Variants in BLTP1 observed in about 807,000 individuals in gnomAD.
The protein encoded by BLTP1 is fragile site-associated protein.
chr4:122,169,583 T>G, the BLTP1 span: 1 of 931,350 alleles, frequency 1.1e-6, no homozygotes, highest in Non-Finnish European at 1.3e-6. Flanking sequence ...TTCTTGTTTC[T>G]TGGATCATAA....
chr4:122,275,604 C>G, the BLTP1 span, among the ~76,000 whole-genome samples: 2 of 152,036 alleles, frequency 1.3e-5, no homozygotes, highest in Non-Finnish European at 2.9e-5. Flanking sequence ...GAAGGGCTTC[C>G]AATAGTCTTT....
At chr4:122,257,244 T>G in the BLTP1 span, 1 of 1,612,412 alleles carries the variant, frequency 6.2e-7, no homozygotes, top group South Asian at 1.1e-5. Flanking sequence ...ACCACATGAT[T>G]ATTGTTACAG....
At chr4:122,309,441 A>C in the BLTP1 span, 2 of 1,613,128 alleles carry the variant, frequency 1.2e-6, no homozygotes, top group East Asian at 2.2e-5. Context: ...CCAGAAATTC[A>C]TGGGGATTTA....
At chr4:122,258,461 G>A in the BLTP1 span, 44 of 157,404 alleles carry the variant, frequency 2.8e-4, no homozygotes, top group Middle Eastern at 3.2e-3. Context: ...GCTTTCTTGC[G>A]CTTAGTTGAA....
At chr4:122,238,488 A>G in the BLTP1 span, 5 of 656,786 alleles carry the variant, frequency 7.6e-6, no homozygotes, top group South Asian at 2.0e-5. Flanking sequence ...ATATTTTGAA[A>G]TGTCAGTTTG....
chr4:122,232,175 T>A, the BLTP1 span: 1 of 923,378 alleles, frequency 1.1e-6, no homozygotes, highest in Non-Finnish European at 1.3e-6. Flanking sequence ...TTTTTATCTT[T>A]CTTACGAGTT....
the BLTP1 span, chr4:122,189,189 A>G: frequency 1.2e-6 from 1 of 801,456 alleles, no homozygotes; most frequent in African/African-American, 1.9e-5. Context: ...TGGAGATTAC[A>G]TGATGATATT....
chr4:122,336,745 A>G, the BLTP1 span: 1 of 1,272,056 alleles, frequency 7.9e-7, no homozygotes, highest in South Asian at 1.7e-5. Flanking sequence ...AAAAACGTAT[A>G]GAATGAAGGG....
chr4:122,241,657 T>C, the BLTP1 span, among the ~76,000 whole-genome samples: 1 of 152,144 alleles, frequency 6.6e-6, no homozygotes, highest in South Asian at 2.1e-4. Context: ...GAAGAAACAT[T>C]AGTGAAAGTT....
chr4:122,255,056 A>G, the BLTP1 span: 1 of 1,509,512 alleles, frequency 6.6e-7, no homozygotes, highest in Non-Finnish European at 9.0e-7. Flanking sequence ...ACAAGTTCTT[A>G]ATTACTGAAT....
chr4:122,257,215 T>A, the BLTP1 span: 1 of 1,586,088 alleles, frequency 6.3e-7, no homozygotes, highest in Non-Finnish European at 8.6e-7. Flanking sequence ...ACTGATATTA[T>A]TACATTAGAT....
chr4:122,303,326 CAA>C, the BLTP1 span, among the ~76,000 whole-genome samples: 1 of 152,188 alleles, frequency 6.6e-6, no homozygotes, highest in African/African-American at 2.4e-5. Context: ...CTGCTCAGAA[CAA>C]AGAGTCCTTT....
the BLTP1 span, chr4:122,331,450 G>T: frequency 1.2e-6 from 2 of 1,612,036 alleles, no homozygotes; most frequent in South Asian, 2.2e-5. Flanking sequence ...TATTGACTTT[G>T]AACTTGATAT....
the BLTP1 span, chr4:122,333,685 A>T: frequency 3.7e-6 from 6 of 1,611,602 alleles, no homozygotes; most frequent in Non-Finnish European, 3.4e-6. Context: ...AAAAAGAAGA[A>T]GTTTCAAACT....
At chr4:122,175,444 A>T in the BLTP1 span, among the ~76,000 whole-genome samples, 1 of 152,186 alleles carries the variant, frequency 6.6e-6, no homozygotes, top group African/African-American at 2.4e-5. Flanking sequence ...TTATTGTTAC[A>T]TAATTTTTTT....
At chr4:122,272,269 T>C in the BLTP1 span, 1 of 1,613,402 alleles carries the variant, frequency 6.2e-7, no homozygotes, top group East Asian at 2.2e-5. Context: ...CTTCTGAACC[T>C]CAGCATGTTA....
the BLTP1 span, chr4:122,347,565 A>C: frequency 9.3e-6 from 15 of 1,613,532 alleles, no homozygotes; most frequent in Middle Eastern, 1.6e-4. Flanking sequence ...GGGTAAGCCA[A>C]CACCTTTCCC....
chr4:122,200,112 A>G, the BLTP1 span: 1 of 903,932 alleles, frequency 1.1e-6, no homozygotes, highest in Non-Finnish European at 1.3e-6. Flanking sequence ...CATTTTACAT[A>G]TGACATATGT....
the BLTP1 span, chr4:122,333,910 C>A: frequency 1.4e-6 from 2 of 1,381,266 alleles, no homozygotes; most frequent in Non-Finnish European, 1.9e-6. Flanking sequence ...TAAAATGAGA[C>A]TTAGTGACTT....
Sources: allele counts gnomAD v4.1 joint callset (sites outside exome capture counted in the v4.1 genomes callset), GRCh38; gene constraint gnomAD v4.1.1; transcripts MANE v1.5; gene names NCBI Gene and HGNC (gene_info 2026-07-23, HGNC 2026-07-21).